Variants in AHCYL2 observed in about 807,000 individuals in gnomAD.
The protein encoded by AHCYL2 is S-adenosylhomocysteine hydrolase-like protein 2.
Under a neutral mutation model 81.4 loss-of-function variants are expected in AHCYL2, and 28 were observed. That is an observed-to-expected ratio of 0.34 (90% CI 0.25 to 0.47). AHCYL2 has a LOEUF of 0.47. AHCYL2 is among the 20% of genes least tolerant of loss of function. The probability of loss-of-function intolerance (pLI) is 1.00; values close to 1 mark genes in which losing one functional copy is unlikely to be tolerated. For synonymous variants in AHCYL2, 272 were observed against 290.2 expected (o/e 0.94, Z 0.64); for missense variants, 551 against 785.1 (o/e 0.70, Z 3.56).
In AHCYL2 at chr7:129,426,618, A is replaced by T. The variant is rs1797376756; in HGVS notation, c.1829+55A>T. The T allele has an allele frequency of 6.3e-7, 1 of 1,583,980 alleles. No individual in the cohort carries two copies. Among genetic ancestry groups the T allele is most frequent in the Non-Finnish European group, 8.6e-7 (1 of 1,167,560 alleles). On this transcript the variant is annotated intron_variant, in intron 16 of 16. Coordinates refer to ENST00000325006, the MANE Select transcript of AHCYL2 (RefSeq NM_015328.4). The surrounding 1 kb of genome is among the most constrained non-coding windows in gnomAD (Gnocchi z 4.3). ...ACCTGGGCAGTGATGAGCTTCCTGC[A>T]CTGGAATTGGTCTTTGCATCCCCAA...
chr7:129,424,768 TAGTC>T (rs1797281059), intron 13 of AHCYL2, 102 bp from the exon 14 acceptor site: 7 of 1,156,766 alleles, frequency 6.1e-6, no homozygotes, highest in African/African-American at 1.5e-5. Context: ...CCAGCAGTGT[TAGTC>T]AGGAAGTGTT....
intron 1 of AHCYL2, among the ~76,000 whole-genome samples, chr7:129,265,864 T>C (rs1422712058): frequency 6.6e-6 from 1 of 152,104 alleles, no homozygotes; most frequent in Non-Finnish European, 1.5e-5. Flanking sequence ...CGATAGTAGT[T>C]TGGAGCAGAT....
intron 12 of AHCYL2, 142 bp from the exon 13 acceptor site, chr7:129,422,698 A>AC: frequency 1.5e-6 from 1 of 674,798 alleles, no homozygotes; most frequent in Non-Finnish European, 2.6e-6. Context: ...AACAGTCCTA[A>AC]CCAACACAGG....
chr7:129,370,439 G>A (rs886776837), intron 1 of AHCYL2, among the ~76,000 whole-genome samples: 12 of 152,142 alleles, frequency 7.9e-5, no homozygotes, highest in Non-Finnish European at 1.0e-4. Context: ...GCTCACGCCT[G>A]TAATCCCAGC....
chr7:129,292,958 A>G (rs552015236), intron 1 of AHCYL2, among the ~76,000 whole-genome samples: 1 of 152,290 alleles, frequency 6.6e-6, no homozygotes, highest in South Asian at 2.1e-4. Context: ...GAATAAAAGC[A>G]TATTGCTTAC....
intron 12 of AHCYL2, among the ~76,000 whole-genome samples, chr7:129,422,084 C>T (rs1797143203): frequency 6.6e-6 from 1 of 152,244 alleles, no homozygotes; most frequent in Non-Finnish European, 1.5e-5. Flanking sequence ...CTTAAGTCTA[C>T]ACCCCGTGGC....
intron 1 of AHCYL2, among the ~76,000 whole-genome samples, chr7:129,358,266 C>T (rs1276450529): frequency 2.0e-5 from 3 of 151,942 alleles, no homozygotes; most frequent in Non-Finnish European, 4.4e-5. Flanking sequence ...GTGGCGGGCG[C>T]CTGTAGTCCC....
At chr7:129,352,719 C>T (rs1793608485) in intron 1 of AHCYL2, among the ~76,000 whole-genome samples, 1 of 152,126 alleles carries the variant, frequency 6.6e-6, no homozygotes, top group East Asian at 1.9e-4. Context: ...TTCCAGGTTA[C>T]CATCATCTTG....
At chr7:129,405,352 A>G in intron 8 of AHCYL2, 139 bp downstream of exon 8, 1 of 486,794 alleles carries the variant, frequency 2.1e-6, no homozygotes, top group Admixed American at 3.1e-5. Context: ...GTCACCTCAT[A>G]AATTAAAATT....
At chr7:129,242,457 C>T (rs1794895640) in intron 1 of AHCYL2, among the ~76,000 whole-genome samples, 1 of 152,070 alleles carries the variant, frequency 6.6e-6, no homozygotes, top group Non-Finnish European at 1.5e-5. Context: ...GTGGCTCACG[C>T]CTATAATCCC....
chr7:129,420,008 C>T (rs1797040016), intron 12 of AHCYL2, among the ~76,000 whole-genome samples: 1 of 152,148 alleles, frequency 6.6e-6, no homozygotes, highest in Admixed American at 6.5e-5. Context: ...CTGACTAGGC[C>T]TTAATAGGCA....
At chr7:129,235,263 T>G (rs1425524982) in intron 1 of AHCYL2, among the ~76,000 whole-genome samples, 2 of 152,112 alleles carry the variant, frequency 1.3e-5, no homozygotes, top group African/African-American at 4.8e-5. Flanking sequence ...TCTTCTTTTT[T>G]TTTTTTTGAG....
chr7:129,298,982 G>A (rs1441968608), intron 1 of AHCYL2, among the ~76,000 whole-genome samples: 4 of 152,018 alleles, frequency 2.6e-5, no homozygotes, highest in Non-Finnish European at 4.4e-5. Context: ...ACTCAAACCT[G>A]TTATTGTAGC....
intron 2 of AHCYL2, chr7:129,388,162 CA>C (rs1458939543): frequency 6.6e-6 from 1 of 152,088 alleles, no homozygotes; most frequent in Non-Finnish European, 1.5e-5. Context: ...CTTAACCCCC[CA>C]AAAAACTTGG....
chr7:129,245,431 C>A (rs958513407), intron 1 of AHCYL2, among the ~76,000 whole-genome samples: 3 of 152,196 alleles, frequency 2.0e-5, no homozygotes, highest in African/African-American at 7.2e-5. Context: ...TGTTGTGCAA[C>A]CATCACTACT....
intron 1 of AHCYL2, among the ~76,000 whole-genome samples, chr7:129,350,056 G>C (rs535274132): frequency 6.6e-6 from 1 of 152,252 alleles, no homozygotes; most frequent in Non-Finnish European, 1.5e-5. Flanking sequence ...TTTATACTGT[G>C]GTCATTTTTG....
intron 1 of AHCYL2, among the ~76,000 whole-genome samples, chr7:129,272,674 G>GT (rs552448132): frequency 5.0e-4 from 76 of 152,246 alleles, no homozygotes; most frequent in African/African-American, 1.6e-3. Context: ...CATAGAAAAT[G>GT]TATCTAATGA....
At chr7:129,412,288 A>G (rs1796619209) in intron 11 of AHCYL2, among the ~76,000 whole-genome samples, 1 of 151,028 alleles carries the variant, frequency 6.6e-6, no homozygotes, top group Non-Finnish European at 1.5e-5. Context: ...ATTTTTAGGA[A>G]TTGCCAAACT....
At position 129,246,781 on chromosome 7, in the gene AHCYL2, G is replaced by A. The variant is rs560432300; in HGVS notation, c.363+21342G>A. On this transcript the variant is annotated intron_variant, in intron 1 of 16. Coordinates refer to ENST00000325006, the MANE Select transcript of AHCYL2 (RefSeq NM_015328.4). ...CAAAGTGCTGGGACTATAGTTGTGAGCCACCATGCCTTTTCTGGAAATTTC... is the reference window on the plus strand; with the variant it reads ...CAAAGTGCTGGGACTATAGTTGTGAACCACCATGCCTTTTCTGGAAATTTC... Among the ~76,000 whole-genome samples, 9 of 152,286 alleles carry A rather than the reference G, an allele frequency of 5.9e-5. No individual in the cohort carries two copies. In the East Asian group the frequency reaches 9.6e-4, roughly 16 times the overall value.
Sources: gnomAD v4.1 joint callset for allele counts (sites outside exome capture counted in the v4.1 genomes callset) on GRCh38, gnomAD v4.1.1 for gene constraint, Gnocchi (gnomAD v3.1) non-coding constraint, MANE v1.5 for transcripts, NCBI Gene and HGNC (gene_info 2026-07-23, HGNC 2026-07-21) for gene names.